Variants in FLNC observed in about 807,000 individuals in gnomAD.
FLNC encodes the protein filamin-C.
Under a neutral mutation model 254.3 loss-of-function variants are expected in FLNC, and 91 were observed. That is an observed-to-expected ratio of 0.36 (90% CI 0.30 to 0.43). The LOEUF is 0.43. Among genes scored for constraint, FLNC ranks in the 20% least tolerant of loss-of-function variants. FLNC has a pLI of 1.00. For missense variants in FLNC, 2,853 were observed against 3,802.6 expected (o/e 0.75, Z 6.57); for synonymous variants, 1,430 against 1,577.2 (o/e 0.91, Z 2.21).
In FLNC at chr7:128,854,828, G is replaced by T; in HGVS notation, c.7051G>T (p.Val2351Leu). 1 of 1,614,076 alleles carries T rather than the reference G, an allele frequency of 6.2e-7. No homozygotes were observed. Among genetic ancestry groups the T allele is most frequent in the South Asian group, 1.1e-5 (1 of 91,078 alleles). Residue 2351 changes from valine to leucine, a missense_variant, in exon 42 of 48, where the codon GTG becomes TTG. Transcript: ENST00000325888. ...EAGAGGLSIA[V>L]EGPSKAEIAF... ...TGGCGCTGGGGGCCTGTCCATTGCT[G>T]TGGAGGGTCCTAGCAAAGCGGAGAT...
Position 128,858,416 on chromosome 7 carries a change from G to C in FLNC, c.8071G>C (p.Val2691Leu). 1 of 1,606,912 alleles carries C rather than the reference G, an allele frequency of 6.2e-7. No individual in the cohort carries two copies. Among genetic ancestry groups the C allele is most frequent in the Non-Finnish European group, 8.5e-7 (1 of 1,173,958 alleles). ...GTACGTGAAGCACATGGGGAACCGG[G>C]TGTACAATGTCACCTACACTGTCAA... ...EVYVKHMGNR[V>L]YNVTYTVKEK... The change falls in exon 48 of 48, where the codon GTG (valine) becomes CTG (leucine). Residue 2691 changes from valine (V) to leucine (L), a missense_variant. Val to Leu is a conservative substitution (Grantham distance 32). Around this residue, in one of 10 missense-constraint regions of FLNC, gnomAD observed 197 missense variants for 351.5 expected, o/e 0.56. Transcript: ENST00000325888. The surrounding 1 kb of genome is among the most constrained non-coding windows in gnomAD (Gnocchi z 6.7).
At position 128,838,702 on chromosome 7, in the gene FLNC, G is replaced by A. The variant is rs370138936; in HGVS notation, c.1310G>A (p.Arg437His). 41 of 1,612,912 alleles carry A rather than the reference G, an allele frequency of 2.5e-5. No homozygotes were observed. Among genetic ancestry groups the A allele is most frequent in the South Asian group, 1.1e-4 (10 of 91,090 alleles). The change falls in exon 8 of 48, where the codon CGC becomes CAC. Residue 437 changes from arginine to histidine, a missense_variant. Physicochemically the swap from Arg to His is conservative, Grantham distance 29 (BLOSUM62 0). This residue lies in a region of FLNC where 1,573 missense variants were observed against 1,883.5 expected (regional missense o/e 0.84). Coordinates refer to ENST00000325888, the MANE Select transcript of FLNC (RefSeq NM_001458.5). ...GAGGACAAGGGTGACAGCACGTTCC[G>A]CTGCACATACAGACCTGCCATGGAG... ...ALEDKGDSTFRCTYRPAMEGP... is the reference protein window; with the variant it reads ...ALEDKGDSTFHCTYRPAMEGP...
Position 128,837,503 on chromosome 7 carries a change from C to A in FLNC, c.805C>A (p.Arg269=). The A allele has an allele frequency of 1.2e-6, 2 of 1,614,170 alleles. No homozygotes were observed. Among genetic ancestry groups the A allele is most frequent in the East Asian group, 2.2e-5 (1 of 44,886 alleles). ...KAKLKPGAPV[R]SKQLNPKKAI... ...CAAGCTCAAACCTGGTGCCCCTGTT[C>A]GATCCAAGCAGCTGAACCCCAAGAA... The change falls in exon 4 of 48, where the codon CGA becomes AGA. Residue 269 remains arginine, a synonymous_variant. Transcript: ENST00000325888.
At position 128,853,037 on chromosome 7, in the gene FLNC, T is replaced by C. The variant is rs780707955; in HGVS notation, c.6208+6T>C. ...CGTGGACACTCGCAATGCAGGTACC[T>C]CCTGCCCCAGAGAGCCCCCATTCCA... On this transcript the variant is annotated splice_donor_region_variant and intron_variant, in intron 37 of 47. Transcript: ENST00000325888. The C allele has an allele frequency of 1.9e-6, 3 of 1,610,994 alleles. No individual in the cohort carries two copies. In the South Asian group the frequency reaches 3.3e-5, roughly 18 times the overall value.
intron 40 of FLNC, 84 bp downstream of exon 40, chr7:128,854,300 C>A: frequency 6.2e-7 from 1 of 1,603,518 alleles, no homozygotes; most frequent in Non-Finnish European, 8.5e-7. Flanking sequence ...GGCAGACTGG[C>A]CCCGAAGGCC....
intron 22 of FLNC, 56 bp downstream of exon 22, chr7:128,846,219 G>A: frequency 6.2e-7 from 1 of 1,612,970 alleles, no homozygotes; most frequent in Non-Finnish European, 8.5e-7. Flanking sequence ...GCAGGGCCGG[G>A]ATCTGATGAT....
In FLNC at chr7:128,855,245, C is replaced by T. The variant is rs769465229; in HGVS notation, c.7182C>T (p.Asp2394=). ...AGTTCAATGATGAGCACATCCCAGA[C>T]AGCCCCTTTGTGGTGCCTGTGGCCT... ...SIKFNDEHIP[D]SPFVVPVASL... Residue 2394 remains aspartate, a synonymous_variant, in exon 43 of 48, where the codon GAC becomes GAT. Transcript: ENST00000325888. The T allele has an allele frequency of 2.5e-5, 41 of 1,613,824 alleles. No homozygotes were observed. In the East Asian group the frequency reaches 8.2e-4, roughly 32 times the overall value.
Position 128,849,214 on chromosome 7 carries a change from C to CT in FLNC, c.4951+13dup. 1 of 1,614,118 alleles carries CT rather than the reference C, an allele frequency of 6.2e-7. No homozygotes were observed. Among genetic ancestry groups the CT allele is most frequent in the Non-Finnish European group, 8.5e-7 (1 of 1,180,020 alleles). On this transcript the variant is annotated intron_variant, in intron 29 of 47. Transcript: ENST00000325888. ...GGAGGCCATGGCCTGGGTGAGTGCC[C>CT]TTTCTCTCCTCTTCTTGGTGTGGGC...
intron 33 of FLNC, 124 bp from the exon 34 acceptor site, chr7:128,851,108 C>T (rs1284996613): frequency 4.5e-6 from 7 of 1,553,834 alleles, no homozygotes; most frequent in Non-Finnish European, 6.2e-6. Context: ...AGACCTCCAC[C>T]AGCTGGGTCC....
chr7:128,849,947 C>T (rs774314486), intron 30 of FLNC, 29 bp from the exon 31 acceptor site: 6 of 1,492,046 alleles, frequency 4.0e-6, no homozygotes, highest in African/African-American at 2.7e-5. Context: ...GGCTGCCACA[C>T]CCTGTGCCCC....
intron 30 of FLNC, 73 bp from the exon 31 acceptor site, chr7:128,849,903 G>A: frequency 9.2e-7 from 1 of 1,088,128 alleles, no homozygotes; most frequent in Non-Finnish European, 1.4e-6. Flanking sequence ...TCAGGTTCCT[G>A]GGCCATTCTC....
At chr7:128,839,307 G>C (rs562971285) in intron 8 of FLNC, among the ~76,000 whole-genome samples, 1 of 152,362 alleles carries the variant, frequency 6.6e-6, no homozygotes, top group Non-Finnish European at 1.5e-5. Flanking sequence ...TCTGTGGCAG[G>C]TCTAGTGTCT....
At chr7:128,850,596 C>A in intron 32 of FLNC, 113 bp downstream of exon 32, 1 of 1,195,148 alleles carries the variant, frequency 8.4e-7, no homozygotes, top group Non-Finnish European at 1.2e-6. Context: ...GTGAGCTCTA[C>A]CCAGGGTCAC....
At chr7:128,839,812 G>A (rs987174689) in intron 8 of FLNC, among the ~76,000 whole-genome samples, 2 of 152,228 alleles carry the variant, frequency 1.3e-5, no homozygotes, top group East Asian at 1.9e-4. Flanking sequence ...GCACTGGCTC[G>A]GAAACTTTCT....
rs750763820 is a variant in FLNC at position 128,849,957 on chromosome 7, C to T, written c.5200-19C>T. 6.4e-7 allele frequency: 1 copy of T among 1,553,366 alleles called. No individual in the cohort carries two copies. The highest frequency in any genetic ancestry group is 8.8e-7 in the Non-Finnish European group (1 of 1,141,650). ...TGTGAGGCTGCCACACCCTGTGCCC[C>T]CGTGCCTTGCCTCCCCAGGCGTGTG... On this transcript the variant is annotated intron_variant, in intron 30 of 47. Transcript: ENST00000325888.
Position 128,854,887 on chromosome 7 carries a change from C to T in FLNC, c.7110C>T (p.Gly2370=), listed in dbSNP as rs770288312. ...AGGATCGCAAAGATGGCTCCTGCGG[C>T]GTCTCCTATGTCGTCCAGGAACCAG... ...AFEDRKDGSC[G]VSYVVQEPGD... is the part of the protein sequence containing the mutation. Residue 2370 remains glycine, a synonymous_variant, in exon 42 of 48, where the codon GGC becomes GGT. Transcript: ENST00000325888. 12 of 1,613,948 alleles carry T rather than the reference C, an allele frequency of 7.4e-6. No homozygotes were observed. The highest frequency in any genetic ancestry group is 2.7e-5 in the African/African-American group (2 of 74,914).
rs1344468778 is a variant in FLNC at position 128,841,651 on chromosome 7, C to T, written c.2121+84C>T. 2 of 985,254 alleles carry T rather than the reference C, an allele frequency of 2.0e-6. No homozygotes were observed. Among genetic ancestry groups the T allele is most frequent in the Non-Finnish European group, 3.3e-6 (2 of 609,162 alleles). 61.0% of individuals were successfully genotyped at this position (985,254 alleles called of 1,614,324 possible). On this transcript the variant is annotated intron_variant, in intron 13 of 47. Coordinates refer to ENST00000325888, the MANE Select transcript of FLNC (RefSeq NM_001458.5). This position sits in a 1 kb window ranked among gnomAD's most constrained non-coding sequence, Gnocchi z 4.3. ...AGGGCCAGGCCAGAGGCAGAGGCCT[C>T]CCAGCAGGAAATGACAGCATCACAG...
chr7:128,837,553 G>A lies in FLNC; in HGVS notation c.850+5G>A, dbSNP rs2128934199. 6.2e-7 allele frequency: 1 copy of A among 1,614,150 alleles called. No homozygotes were observed. The highest frequency in any genetic ancestry group is 8.5e-7 in the Non-Finnish European group (1 of 1,180,018). ...AAGCCATCGCCTATGGGCCTGGTATGTGTGAGCCCCTGGCGGCCCTCCTGG... is the reference window on the plus strand; with the variant it reads ...AAGCCATCGCCTATGGGCCTGGTATATGTGAGCCCCTGGCGGCCCTCCTGG... On this transcript the variant is annotated splice_donor_5th_base_variant and intron_variant, in intron 4 of 47. Transcript: ENST00000325888.
Position 128,842,906 on chromosome 7 carries a change from G to T in FLNC, c.2502G>T (p.Thr834=). The T allele has an allele frequency of 6.2e-7, 1 of 1,613,958 alleles. No individual in the cohort carries two copies. The part of the protein sequence containing the change: ...NDNDTFTVKY[T]PPGAGRYTIM... ...ACGACACCTTCACCGTCAAGTACAC[G>T]CCACCAGGGGCGGGCCGCTACACCA... The change falls in exon 16 of 48, where the codon ACG becomes ACT. Residue 834 remains threonine (T), a synonymous_variant. Transcript: ENST00000325888. This position sits in a 1 kb window ranked among gnomAD's most constrained non-coding sequence, Gnocchi z 5.4.
Sources: allele counts gnomAD v4.1 joint callset (sites outside exome capture counted in the v4.1 genomes callset), GRCh38; gene constraint gnomAD v4.1.1; regional missense constraint gnomAD v4.1.1; non-coding constraint Gnocchi (gnomAD v3.1); transcripts MANE v1.5; gene names NCBI Gene and HGNC (gene_info 2026-07-23, HGNC 2026-07-21).